Variants in SDK1 observed in about 807,000 individuals in gnomAD.
SDK1 encodes the protein sidekick cell adhesion molecule 1.
In SDK1, 157 loss-of-function variants were observed where a neutral mutation model predicts 245.5. That is an observed-to-expected ratio of 0.64 (90% confidence interval 0.56 to 0.73). SDK1 has a LOEUF of 0.73. Among genes scored for constraint, SDK1 ranks in the 30% least tolerant of loss-of-function variants. The pLI is 0.00. For synonymous variants in SDK1, 1,647 were observed against 1,278.5 expected (o/e 1.29, Z -6.15); for missense variants, 3,583 against 3,002.3 (o/e 1.19, Z -4.52).
rs180737547 is a variant in SDK1, at chr7:3,828,277, A to T, written c.847+6694A>T. On this transcript the variant is annotated intron_variant, in intron 5 of 44. Transcript: ENST00000404826. ...AAGGCGACGGAGCAAGACTCTCAAA[A>T]AAACAAAAATAATAATAATAAATAA... Among the ~76,000 whole-genome samples the T allele has an allele frequency of 1.4e-4, 21 of 152,198 alleles. No individual in the cohort carries two copies. The East Asian group carries it at 4.1e-3, about 29-fold the overall frequency.
intron 1 of SDK1, among the ~76,000 whole-genome samples, chr7:3,316,265 T>G (rs544520390): frequency 1.3e-5 from 2 of 152,356 alleles, no homozygotes; most frequent in Non-Finnish European, 2.9e-5. Flanking sequence ...ATTATAATTC[T>G]GTATGTTTAT....
At chr7:4,221,795 G>A (rs921061240) in intron 40 of SDK1, among the ~76,000 whole-genome samples, 12 of 152,176 alleles carry the variant, frequency 7.9e-5, no homozygotes, top group Non-Finnish European at 1.2e-4. Flanking sequence ...TAGTGAAACC[G>A]ACACATCGTT....
chr7:3,782,262 T>A (rs956162494), intron 4 of SDK1, among the ~76,000 whole-genome samples: 1 of 151,988 alleles, frequency 6.6e-6, no homozygotes. Flanking sequence ...GAACAAGAGG[T>A]GATGGGAAAA....
intron 4 of SDK1, among the ~76,000 whole-genome samples, chr7:3,818,631 T>C (rs140412673): frequency 3.3e-5 from 5 of 152,326 alleles, no homozygotes; most frequent in African/African-American, 9.6e-5. Flanking sequence ...TTTTGATTTC[T>C]AGTGACAGCA....
chr7:4,165,709 C>G (rs1781459449), intron 32 of SDK1, among the ~76,000 whole-genome samples: 1 of 152,068 alleles, frequency 6.6e-6, no homozygotes, highest in South Asian at 2.1e-4. Flanking sequence ...AGGCTGGTCT[C>G]AAACCCCTGA....
At chr7:4,054,574 A>G (rs922834419) in intron 19 of SDK1, among the ~76,000 whole-genome samples, 2 of 152,096 alleles carry the variant, frequency 1.3e-5, no homozygotes, top group Admixed American at 6.5e-5. Context: ...AGCCACACCC[A>G]CCTTCCTCCA....
chr7:3,389,720 G>T (rs73296345), intron 1 of SDK1, among the ~76,000 whole-genome samples: 1 of 150,568 alleles, frequency 6.6e-6, no homozygotes, highest in Admixed American at 6.7e-5. Flanking sequence ...AGCTGTGATC[G>T]TGCCACTGCA....
intron 3 of SDK1, among the ~76,000 whole-genome samples, chr7:3,640,445 G>A (rs534116458): frequency 3.3e-5 from 5 of 152,242 alleles, no homozygotes; most frequent in Non-Finnish European, 7.4e-5. Context: ...CATGTTTGAT[G>A]CTTTTTAAAA....
At chr7:4,085,191 G>T (rs1781351991) in intron 22 of SDK1, among the ~76,000 whole-genome samples, 1 of 152,114 alleles carries the variant, frequency 6.6e-6, no homozygotes, top group South Asian at 2.1e-4. Context: ...GAATTTGCCT[G>T]TGTATCTTAC....
intron 1 of SDK1, chr7:3,338,275 G>A: frequency 2.2e-6 from 1 of 453,802 alleles, no homozygotes; most frequent in South Asian, 2.4e-5. Flanking sequence ...TGTTCAGAAA[G>A]GAAGCCCCAC....
intron 24 of SDK1, 95 bp from the exon 25 acceptor site, chr7:4,113,942 C>G (rs926707005): frequency 6.7e-6 from 6 of 891,372 alleles, no homozygotes; most frequent in East Asian, 2.4e-5. Flanking sequence ...ACCTCCTCCA[C>G]GGAGTTGGCC....
At chr7:3,879,005 T>C (rs968945380) in intron 5 of SDK1, among the ~76,000 whole-genome samples, 1 of 152,178 alleles carries the variant, frequency 6.6e-6, no homozygotes, top group African/African-American at 2.4e-5. Context: ...GTAAAATTGC[T>C]GTGACAGTCT....
intron 14 of SDK1, among the ~76,000 whole-genome samples, chr7:4,001,154 TG>T (rs1441669189): frequency 6.6e-6 from 1 of 152,178 alleles, no homozygotes; most frequent in African/African-American, 2.4e-5. Context: ...GAATACAGCG[TG>T]GCTCCCATAG....
intron 19 of SDK1, among the ~76,000 whole-genome samples, chr7:4,067,101 G>A (rs1490487158): frequency 4.6e-5 from 7 of 152,134 alleles, no homozygotes; most frequent in African/African-American, 7.2e-5. Context: ...TAATTGTCTC[G>A]CTGAGTTATT....
chr7:4,192,934 C>G (rs1054201545), intron 35 of SDK1, among the ~76,000 whole-genome samples: 1 of 149,956 alleles, frequency 6.7e-6, no homozygotes, highest in Non-Finnish European at 1.5e-5. Context: ...CCATATATCC[C>G]TATAATAACT....
At chr7:4,040,129 C>G (rs977575408) in intron 17 of SDK1, among the ~76,000 whole-genome samples, 18 of 152,276 alleles carry the variant, frequency 1.2e-4, no homozygotes, top group African/African-American at 4.1e-4. Flanking sequence ...TCTCACCACA[C>G]TGGGGGCTGT....
At chr7:4,020,385 A>G (rs763911027) in intron 17 of SDK1, among the ~76,000 whole-genome samples, 1 of 152,148 alleles carries the variant, frequency 6.6e-6, no homozygotes, top group Non-Finnish European at 1.5e-5. Context: ...CCAGCCAGCC[A>G]CGCTGCCGCT....
intron 1 of SDK1, among the ~76,000 whole-genome samples, chr7:3,489,020 G>A (rs956946711): frequency 1.3e-5 from 2 of 152,110 alleles, no homozygotes; most frequent in Non-Finnish European, 2.9e-5. Context: ...CAGTCGTTGG[G>A]AATGATATCA....
intron 22 of SDK1, among the ~76,000 whole-genome samples, chr7:4,091,970 A>C (rs1006991491): frequency 1.3e-5 from 2 of 152,096 alleles, no homozygotes; most frequent in Non-Finnish European, 2.9e-5. Context: ...CTCATCCCCC[A>C]GGAAAGACAT....
Sources: gnomAD v4.1 joint callset for allele counts (sites outside exome capture counted in the v4.1 genomes callset) on GRCh38, gnomAD v4.1.1 for gene constraint, MANE v1.5 for transcripts, NCBI Gene and HGNC (gene_info 2026-07-23, HGNC 2026-07-21) for gene names.